Variants in DYM observed in about 807,000 individuals in gnomAD.
DYM encodes the protein dyggve-Melchior-Clausen syndrome protein.
A neutral mutation model predicts 93.1 loss-of-function variants in DYM; 78 were observed. The ratio of observed to expected loss-of-function variants is 0.84; its 90% CI spans 0.70 to 1.01. The LOEUF is 1.01. Ranked by LOEUF, DYM falls within the 50% of genes least tolerant of loss-of-function variation. DYM has a pLI of 0.00. For missense variants in DYM, 789 were observed against 845.0 expected, an observed-to-expected ratio of 0.93 and a Z score of 0.82; for synonymous variants, 321 against 319.7, an observed-to-expected ratio of 1.00 and a Z score of -0.04.
Position 49,378,548 on chromosome 18 carries a change from CT to C in DYM, c.421+18del. The C allele has an allele frequency of 2.5e-6, 4 of 1,599,472 alleles. No individual in the cohort carries two copies. Among genetic ancestry groups the C allele is most frequent in the Non-Finnish European group, 3.4e-6 (4 of 1,167,552 alleles). On this transcript the variant is annotated intron_variant, in intron 5 of 17. Coordinates refer to ENST00000675505, the MANE Select transcript of DYM (RefSeq NM_001353214.3). ...GTTACACATGATATATCCAGAACAT[CT>C]TTAAAAACAATACTTACTGTAATTG...
chr18:49,208,124 A>C (rs1312663603), intron 14 of DYM, among the ~76,000 whole-genome samples: 1 of 143,496 alleles, frequency 7.0e-6, no homozygotes, highest in Non-Finnish European at 1.5e-5. Flanking sequence ...CAGAGGTTGC[A>C]GTGAGCAGAG....
At chr18:49,378,389 C>T (rs542965018) in intron 5 of DYM, among the ~76,000 whole-genome samples, 178 bp downstream of exon 5, 1 of 152,036 alleles carries the variant, frequency 6.6e-6, no homozygotes, top group Non-Finnish European at 1.5e-5. Flanking sequence ...ACAAAAAACG[C>T]TTGAGTCTTG....
intron 13 of DYM, among the ~76,000 whole-genome samples, chr18:49,225,684 TG>T (rs2093501996): frequency 6.6e-6 from 1 of 152,112 alleles, no homozygotes. Flanking sequence ...TCAATTAAAA[TG>T]TATACCATCA....
At chr18:49,299,061 C>G (rs915596462) in intron 8 of DYM, among the ~76,000 whole-genome samples, 1 of 152,110 alleles carries the variant, frequency 6.6e-6, no homozygotes, top group African/African-American at 2.4e-5. Flanking sequence ...AGTCTGAGTC[C>G]GGTTCCCAGA....
intron 3 of DYM, among the ~76,000 whole-genome samples, chr18:49,384,030 G>C (rs2068315356): frequency 6.6e-6 from 1 of 152,070 alleles, no homozygotes; most frequent in Admixed American, 6.6e-5. Context: ...ATGCATGAAT[G>C]AAAAGAGAGC....
intron 2 of DYM, among the ~76,000 whole-genome samples, chr18:49,414,610 C>T (rs1362985721): frequency 1.3e-5 from 2 of 152,158 alleles, no homozygotes; most frequent in African/African-American, 4.8e-5. Flanking sequence ...GCAGAACTTA[C>T]TTCCACTTCA....
At chr18:49,322,394 A>G (rs1046702788) in intron 8 of DYM, among the ~76,000 whole-genome samples, 1 of 152,182 alleles carries the variant, frequency 6.6e-6, no homozygotes, top group African/African-American at 2.4e-5. Context: ...CTTAAAACAC[A>G]GAAGAAATTT....
chr18:49,358,336 G>A (rs1329800257), intron 6 of DYM, among the ~76,000 whole-genome samples: 1 of 152,114 alleles, frequency 6.6e-6, no homozygotes, highest in Non-Finnish European at 1.5e-5. Context: ...ATATCTAAAG[G>A]AAGACAAACT....
chr18:49,445,738 C>A (rs2082041127), intron 1 of DYM, among the ~76,000 whole-genome samples: 1 of 152,160 alleles, frequency 6.6e-6, no homozygotes, highest in African/African-American at 2.4e-5. Flanking sequence ...CACAAAACAA[C>A]TGCAATAGCA....
chr18:49,090,287 G>A (rs1406671852), intron 17 of DYM, among the ~76,000 whole-genome samples: 1 of 152,166 alleles, frequency 6.6e-6, no homozygotes, highest in Non-Finnish European at 1.5e-5. Context: ...TGAAATGGCA[G>A]AAATGTCATC....
chr18:49,153,947 G>A (rs1260301354), intron 15 of DYM, among the ~76,000 whole-genome samples: 1 of 152,102 alleles, frequency 6.6e-6, no homozygotes, highest in African/African-American at 2.4e-5. Context: ...AAAAACCCTG[G>A]CATACCTCAC....
chr18:49,380,209 A>G lies in DYM; in HGVS notation c.194-451T>C, dbSNP rs376637440. Reference sequence around the variant, plus strand: ...CATTTGAATGAAAAATTAAGAAAACATATCAACAAAGCAGTGTGGCTAGAA... The same window carrying G: ...CATTTGAATGAAAAATTAAGAAAACGTATCAACAAAGCAGTGTGGCTAGAA... On this transcript the variant is annotated intron_variant, in intron 3 of 17. Transcript: ENST00000675505. Among the ~76,000 whole-genome samples the G allele has an allele frequency of 2.2e-4, 34 of 152,328 alleles. No homozygotes were observed. In the East Asian group the frequency reaches 3.9e-3, roughly 17 times the overall value.
rs78188943 is a variant in DYM at position 49,307,689 on chromosome 18, G to A, written c.764-21073C>T. Among the ~76,000 whole-genome samples the A allele has an allele frequency of 3.4e-3, 524 of 152,186 alleles. 4 individuals carry two copies. Among genetic ancestry groups the A allele is most frequent in the African/African-American group, 0.012 (486 of 41,508 alleles). ...TTACCTTCCATACCCTGTCCTTCAT[G>A]TCCTTTCTTTAACTTAGATCAGAAC... On this transcript the variant is annotated intron_variant, in intron 8 of 17. Coordinates refer to ENST00000675505, the MANE Select transcript of DYM (RefSeq NM_001353214.3).
intron 6 of DYM, among the ~76,000 whole-genome samples, chr18:49,358,279 C>G (rs7506068): frequency 0.53 from 79,966 of 152,042 alleles, 23,235 homozygotes; most frequent in Non-Finnish European, 0.66. Context: ...GAAACAAAAC[C>G]TGAAGCAGAT....
rs1003853323 is a variant in DYM at position 49,110,470 on chromosome 18, A to G, written c.1911+8274T>C. ...TATTTTGTATTCAGTTTTTAAAGACATTTTTGAGGGTAAGATTTTGTTTTT... is the reference window on the plus strand; with the variant it reads ...TATTTTGTATTCAGTTTTTAAAGACGTTTTTGAGGGTAAGATTTTGTTTTT... On this transcript the variant is annotated intron_variant, in intron 16 of 17. Transcript: ENST00000675505. Among the ~76,000 whole-genome samples the G allele has an allele frequency of 6.6e-5, 10 of 152,014 alleles. No individual in the cohort carries two copies. In the East Asian group the frequency reaches 1.9e-3, roughly 29 times the overall value.
At chr18:49,452,679 C>T (rs1600387070) in intron 1 of DYM, among the ~76,000 whole-genome samples, 1 of 77,026 alleles carries the variant, frequency 1.3e-5, no homozygotes, top group Non-Finnish European at 2.8e-5. Flanking sequence ...GCCTCCCTGA[C>T]GAGCGCCGCT....
chr18:49,219,051 C>T (rs991111265), intron 13 of DYM, among the ~76,000 whole-genome samples: 2 of 152,056 alleles, frequency 1.3e-5, no homozygotes, highest in Non-Finnish European at 2.9e-5. Context: ...CAAATAGATG[C>T]AATAAAAAAT....
intron 2 of DYM, among the ~76,000 whole-genome samples, chr18:49,403,525 C>G (rs2071089714): frequency 6.6e-6 from 1 of 152,174 alleles, no homozygotes; most frequent in African/African-American, 2.4e-5. Flanking sequence ...GATATTCACA[C>G]TGATAAAGAA....
chr18:49,114,694 A>T, intron 16 of DYM: 1 of 451,760 alleles, frequency 2.2e-6, no homozygotes. Flanking sequence ...TGTGTGTTTA[A>T]GAGATGGTCT....
Sources: allele counts gnomAD v4.1 joint callset (sites outside exome capture counted in the v4.1 genomes callset), GRCh38; gene constraint gnomAD v4.1.1; transcripts MANE v1.5; gene names NCBI Gene and HGNC (gene_info 2026-07-23, HGNC 2026-07-21).